Variants in CSPG5 observed in about 807,000 individuals in gnomAD.
The protein encoded by CSPG5 is acidic leucine-rich EGF-like domain-containing brain protein.
Under a neutral mutation model 39.8 loss-of-function variants are expected in CSPG5, and 25 were observed. The ratio of observed to expected loss-of-function variants is 0.63; its 90% CI spans 0.46 to 0.88. The LOEUF is 0.88. Among genes scored for constraint, CSPG5 ranks in the 40% least tolerant of loss-of-function variants. CSPG5 has a pLI of 0.00. For missense variants in CSPG5, 627 were observed against 702.2 expected (o/e 0.89, Z 1.21); for synonymous variants, 295 against 303.9 (o/e 0.97, Z 0.31).
Position 47,572,837 on chromosome 3 carries a change from G to A in CSPG5, c.1231C>T (p.Arg411Cys), listed in dbSNP as rs1246833442. The A allele has an allele frequency of 1.2e-6, 2 of 1,613,828 alleles. No homozygotes were observed. Among genetic ancestry groups the A allele is most frequent in the Non-Finnish European group, 1.7e-6 (2 of 1,179,804 alleles). Residue 411 changes from arginine to cysteine, a missense_variant, in exon 3 of 5, where the codon CGC becomes TGC. Arg to Cys is a radical substitution (Grantham distance 180). Transcript: ENST00000264723. The surrounding 1 kb of genome is among the most constrained non-coding windows in gnomAD (Gnocchi z 4.5). The stretch of plus-strand genomic sequence containing the variant: ...AAGTCGGTGATGATGGACTCGCAGC[G>A]CATCCCCTTGTGCCAGATGTAGTCC... The part of the protein sequence containing the change: ...TQDYIWHKGM[R>C]CESIITDFQV...
At chr3:47,566,749 G>A (rs1435860815) in intron 4 of CSPG5, among the ~76,000 whole-genome samples, 2 of 152,172 alleles carry the variant, frequency 1.3e-5, no homozygotes, top group Non-Finnish European at 2.9e-5. Context: ...AGATCTTGCT[G>A]CTTCCTAAGG....
At chr3:47,570,648 C>T (rs964891947) in intron 3 of CSPG5, among the ~76,000 whole-genome samples, 11 of 151,928 alleles carry the variant, frequency 7.2e-5, no homozygotes, top group African/African-American at 2.7e-4. Context: ...GCTGGGATTA[C>T]AGGTGGCTGC....
intron 4 of CSPG5, among the ~76,000 whole-genome samples, chr3:47,563,063 C>T (rs1227721515): frequency 1.3e-5 from 2 of 152,172 alleles, no homozygotes; most frequent in Non-Finnish European, 1.5e-5. Flanking sequence ...GTCCCTTGGC[C>T]CAGGCGCCTC....
At position 47,577,430 on chromosome 3, in the gene CSPG5, A is replaced by G. The variant is rs2031796380; in HGVS notation, c.596T>C (p.Leu199Pro). 6.2e-7 allele frequency: 1 copy of G among 1,614,130 alleles called. No homozygotes were observed. The highest frequency in any genetic ancestry group is 1.3e-5 in the African/African-American group (1 of 75,026). The change falls in exon 2 of 5, where the codon CTG (leucine) becomes CCG (proline). Residue 199 changes from leucine (L) to proline (P), a missense_variant. Transcript: ENST00000264723. The surrounding 1 kb of genome is among the most constrained non-coding windows in gnomAD (Gnocchi z 4.7). ...PELTYPFQGT[L>P]EPQPASDIID... ...GATATCTGATGCCGGTTGGGGCTCC[A>G]GGGTGCCCTGAAATGGGTAAGTCAG...
rs1314791485 is a variant in CSPG5 at position 47,577,133 on chromosome 3, T to G, written c.893A>C (p.Asn298Thr). The G allele has an allele frequency of 6.2e-7, 1 of 1,613,946 alleles. No homozygotes were observed. Among genetic ancestry groups the G allele is most frequent in the South Asian group, 1.1e-5 (1 of 91,058 alleles). Reference protein sequence around the residue: ...AVGGGDLEDENELLVPTGKPG... With the variant: ...AVGGGDLEDETELLVPTGKPG... Reference sequence around the variant, plus strand: ...CTTCCCAGTGGGCACTAGAAGCTCATTTTCATCTTCTAGGTCTCCACCTCC... The same window carrying G: ...CTTCCCAGTGGGCACTAGAAGCTCAGTTTCATCTTCTAGGTCTCCACCTCC... Residue 298 changes from asparagine (N) to threonine (T), a missense_variant, in exon 2 of 5, where the codon AAT becomes ACT. By Grantham distance (65) the Asn-to-Thr change is moderately conservative. Transcript: ENST00000264723. The surrounding 1 kb of genome is among the most constrained non-coding windows in gnomAD (Gnocchi z 4.7).
chr3:47,579,997 T>A (rs1006227771), upstream of CSPG5: 6 of 152,174 alleles, frequency 3.9e-5, no homozygotes, highest in African/African-American at 1.4e-4. This position sits in a 1 kb window ranked among gnomAD's most constrained non-coding sequence, Gnocchi z 4.2. Flanking sequence ...AAGATGGAGA[T>A]TCTATCTCCT....
In CSPG5 at chr3:47,578,504, A is replaced by G; in HGVS notation, c.97+93T>C. ...AGGCGGTGCCCCGCCCCCTTGCCAC[A>G]GCTCACAGCTCCACCTGTCCCCGCC... is the stretch of plus-strand genomic sequence containing the variant. On this transcript the variant is annotated intron_variant, in intron 1 of 4. Transcript: ENST00000264723. The surrounding 1 kb of genome is among the most constrained non-coding windows in gnomAD (Gnocchi z 6.0). 2 of 330,442 alleles carry G rather than the reference A, an allele frequency of 6.1e-6. No individual in the cohort carries two copies. The highest frequency in any genetic ancestry group is 2.2e-5 in the African/African-American group (1 of 44,474). 20.5% of individuals were successfully genotyped at this position (330,442 alleles called of 1,614,324 possible). A position where few individuals can be genotyped will look rare whatever the true frequency, so the allele number is the denominator to read the frequency against.
chr3:47,573,650 G>C (rs1336727843), intron 2 of CSPG5, among the ~76,000 whole-genome samples: 2 of 152,220 alleles, frequency 1.3e-5, no homozygotes. Context: ...AAAGAGGAAA[G>C]ATGTGGAAGG....
Position 47,572,287 on chromosome 3 carries a change from A to G in CSPG5, c.1382+399T>C, listed in dbSNP as rs1364407441. Among the ~76,000 whole-genome samples, 1 of 152,190 alleles carries G rather than the reference A, an allele frequency of 6.6e-6. No homozygotes were observed. Among genetic ancestry groups the G allele is most frequent in the South Asian group, 2.1e-4 (1 of 4,832 alleles). On this transcript the variant is annotated intron_variant, in intron 3 of 4. Transcript: ENST00000264723. The surrounding 1 kb of genome is among the most constrained non-coding windows in gnomAD (Gnocchi z 4.5). ...TTCCTCCACGCAGAATTATGAATGA[A>G]ATCTCGCACTGGCCGCTGGCTGTCA...
Position 47,572,007 on chromosome 3 carries a change from G to A in CSPG5, c.1382+679C>T, listed in dbSNP as rs2108200538. ...CACACAACAGTCACTGCTTTGCCAAGAGAAGAGCTGAAATAAGATTCTACA... is the reference window on the plus strand; with the variant it reads ...CACACAACAGTCACTGCTTTGCCAAAAGAAGAGCTGAAATAAGATTCTACA... On this transcript the variant is annotated intron_variant, in intron 3 of 4. Transcript: ENST00000264723. The surrounding 1 kb of genome is among the most constrained non-coding windows in gnomAD (Gnocchi z 4.5). Among the ~76,000 whole-genome samples the A allele has an allele frequency of 6.6e-6, 1 of 152,312 alleles. No individual in the cohort carries two copies. Among genetic ancestry groups the A allele is most frequent in the Admixed American group, 6.5e-5 (1 of 15,298 alleles).
At chr3:47,566,481 A>G (rs2031306327) in intron 4 of CSPG5, among the ~76,000 whole-genome samples, 1 of 152,192 alleles carries the variant, frequency 6.6e-6, no homozygotes, top group South Asian at 2.1e-4. Flanking sequence ...AAGATCTTGA[A>G]TATGACTAAG....
In CSPG5 at chr3:47,562,649, C is replaced by A. The variant is rs779949815; in HGVS notation, c.1571G>T (p.Gly524Val). ...GTTCACATCCAAGTCAGCCTGGTCA[C>A]CTTTGCCACCCTCAAGTTTGGGCGA... ...SMSPKLEGGK[G>V]DQADLDVNCL... The change falls in exon 5 of 5, where the codon GGT becomes GTT. Residue 524 changes from glycine (G) to valine (V), a missense_variant. Coordinates refer to ENST00000264723, the MANE Select transcript of CSPG5 (RefSeq NM_006574.4). 1.2e-5 allele frequency: 19 copies of A among 1,613,940 alleles called. No individual in the cohort carries two copies. The highest frequency in any genetic ancestry group is 1.4e-5 in the Non-Finnish European group (17 of 1,179,996).
At chr3:47,571,445 C>G (rs886589999) in intron 3 of CSPG5, among the ~76,000 whole-genome samples, 2 of 152,252 alleles carry the variant, frequency 1.3e-5, no homozygotes, top group Admixed American at 1.3e-4. Flanking sequence ...AGTCCCATCT[C>G]CTGCCCCCTG....
intron 2 of CSPG5, among the ~76,000 whole-genome samples, chr3:47,574,322 T>C (rs2031629063): frequency 1.3e-5 from 2 of 152,276 alleles, no homozygotes; most frequent in African/African-American, 2.4e-5. Flanking sequence ...CATACTATTA[T>C]GGGGAGTTCA....
In CSPG5 at chr3:47,572,928, A is replaced by G. The variant is rs917392880; in HGVS notation, c.1194-54T>C. The G allele has an allele frequency of 5.9e-6, 9 of 1,518,218 alleles. No homozygotes were observed. The highest frequency in any genetic ancestry group is 1.4e-5 in the African/African-American group (1 of 72,638). The allele number at this position is 1,518,218 out of a possible 1,614,324, so 94.0% of individuals were successfully genotyped here. The stretch of plus-strand genomic sequence containing the variant: ...CGATGGAGCAGGCAGCCACGGCCAC[A>G]GTAAGGGCCTGGGCCCTGACCCCAA... On this transcript the variant is annotated intron_variant, in intron 2 of 4. Coordinates refer to ENST00000264723, the MANE Select transcript of CSPG5 (RefSeq NM_006574.4). This position sits in a 1 kb window ranked among gnomAD's most constrained non-coding sequence, Gnocchi z 4.5.
intron 2 of CSPG5, among the ~76,000 whole-genome samples, chr3:47,574,953 AC>A (rs753762863): frequency 4.6e-5 from 7 of 152,122 alleles, no homozygotes; most frequent in Non-Finnish European, 1.0e-4. Context: ...AACAACAACA[AC>A]AAAAAAAAGA....
At chr3:47,575,862 C>T (rs188434688) in intron 2 of CSPG5, among the ~76,000 whole-genome samples, 3 of 152,086 alleles carry the variant, frequency 2.0e-5, no homozygotes, top group Admixed American at 2.0e-4. Context: ...ACCACCAGAA[C>T]CCTCCAGCAA....
At position 47,578,252 on chromosome 3, in the gene CSPG5, G is replaced by A. The variant is rs537611460; in HGVS notation, c.98-324C>T. The A allele has an allele frequency of 9.9e-4, 286 of 289,692 alleles. No homozygotes were observed. Among genetic ancestry groups the A allele is most frequent in the African/African-American group, 5.8e-3 (262 of 45,178 alleles). 17.9% of individuals were successfully genotyped at this position (289,692 alleles called of 1,614,324 possible). ...TCTCACCCTCGGGAACCCACCCTGAGCCGCGTCCACTGGCTCCCGCCCTCA... is the reference window on the plus strand; with the variant it reads ...TCTCACCCTCGGGAACCCACCCTGAACCGCGTCCACTGGCTCCCGCCCTCA... On this transcript the variant is annotated intron_variant, in intron 1 of 4. Coordinates refer to ENST00000264723, the MANE Select transcript of CSPG5 (RefSeq NM_006574.4). This position sits in a 1 kb window ranked among gnomAD's most constrained non-coding sequence, Gnocchi z 6.0.
chr3:47,570,125 G>A (rs1038169162), intron 3 of CSPG5, among the ~76,000 whole-genome samples: 4 of 151,756 alleles, frequency 2.6e-5, no homozygotes, highest in Non-Finnish European at 4.4e-5. Context: ...TATAAGTGCA[G>A]AATATGTCAG....
Sources: gnomAD v4.1 joint callset for allele counts (sites outside exome capture counted in the v4.1 genomes callset) on GRCh38, gnomAD v4.1.1 for gene constraint, Gnocchi (gnomAD v3.1) non-coding constraint, MANE v1.5 for transcripts, NCBI Gene and HGNC (gene_info 2026-07-23, HGNC 2026-07-21) for gene names.